The following NAXE variants were observed in gnomAD, a reference collection of about 807,000 sequenced individuals.
NAXE encodes the protein NAD(P)HX epimerase, also known as NAD(P)H-hydrate epimerase.
A neutral mutation model predicts 31.2 loss-of-function variants in NAXE; 25 were observed. The observed-to-expected ratio is 0.80, with a 90% CI of 0.58 to 1.12. NAXE has a LOEUF of 1.12. Ranked by LOEUF, NAXE falls within the 50% of genes most tolerant of loss-of-function variation. NAXE has a pLI of 0.00. For synonymous variants in NAXE, 144 were observed against 154.5 expected, an observed-to-expected ratio of 0.93 and a Z score of 0.50; for missense variants, 362 against 376.1, an observed-to-expected ratio of 0.96 and a Z score of 0.31.
chr1:156,593,388 C>CT lies in NAXE; in HGVS notation c.517-16dup. The CT allele has an allele frequency of 6.2e-7, 1 of 1,607,198 alleles. No individual in the cohort carries two copies. The highest frequency in any genetic ancestry group is 2.2e-5 in the East Asian group (1 of 44,806). On this transcript the variant is annotated intron_variant, in intron 4 of 5. Transcript: ENST00000368235. ...TTGTGCAGCTGCTGGCTCTGACATC[C>CT]TTTTCCTGCTCCACCACAGCCCATG...
At chr1:156,592,757 T>C in intron 4 of NAXE, 87 bp downstream of exon 4, 3 of 1,250,082 alleles carry the variant, frequency 2.4e-6, no homozygotes, top group Admixed American at 1.9e-5. Context: ...CTGAGCTCAT[T>C]TTAGTGCCTG....
intron 4 of NAXE, 24 bp downstream of exon 4, chr1:156,592,694 TC>T (rs759671567): frequency 1.3e-6 from 2 of 1,574,910 alleles, no homozygotes; most frequent in African/African-American, 2.7e-5. Context: ...GTTGAATACC[TC>T]CATCCTACAG....
At position 156,591,782 on chromosome 1, in the gene NAXE, G is replaced by GGCCGGGCCGT. The variant is rs781732021; in HGVS notation, c.-22_-21insCCGGGCCGTG. On this transcript the variant is annotated 5_prime_UTR_variant, in exon 1 of 6. Transcript: ENST00000368235. ...CATGCGCCGGGGCCGGGCCGGGCCG[G>GGCCGGGCCGT]GGGCGCGCGCTCTGCGAGCTGGATG... The GGCCGGGCCGT allele has an allele frequency of 3.0e-4, 450 of 1,499,036 alleles. 1 individual carries two copies. The African/African-American group carries it at 5.8e-3, about 19-fold the overall frequency. The allele number at this position is 1,499,036 out of a possible 1,614,324, so 92.9% of individuals were successfully genotyped here. A position where few individuals can be genotyped will look rare whatever the true frequency, so the allele number is the denominator to read the frequency against.
chr1:156,593,873 T>G lies in NAXE; in HGVS notation c.665-9T>G, dbSNP rs1271192941. The G allele has an allele frequency of 1.2e-6, 2 of 1,613,600 alleles. No individual in the cohort carries two copies. Among genetic ancestry groups the G allele is most frequent in the Non-Finnish European group, 1.7e-6 (2 of 1,179,692 alleles). ...TCTGGCCTCTTCCTGAACACCACCCTCTTTTCAGGATGGGACGTGGAGAAG... is the reference window on the plus strand; with the variant it reads ...TCTGGCCTCTTCCTGAACACCACCCGCTTTTCAGGATGGGACGTGGAGAAG... On this transcript the variant is annotated splice_polypyrimidine_tract_variant and intron_variant, in intron 5 of 5. Coordinates refer to ENST00000368235, the MANE Select transcript of NAXE (RefSeq NM_144772.3).
chr1:156,592,303 T>G, intron 2 of NAXE, 62 bp from the exon 3 acceptor site: 1 of 1,602,978 alleles, frequency 6.2e-7, no homozygotes. Context: ...GAGAGACAGC[T>G]GGGCCAATAT....
In NAXE at chr1:156,594,057, C is replaced by T. The variant is rs139201607; in HGVS notation, c.840C>T (p.Asp280=). ...AGCTGAACCTGCCACCCTACCCTGA[C>T]ACCGAGTGTGTCTATCGTCTGCAGT... ...KYQLNLPPYP[D]TECVYRLQ The change falls in exon 6 of 6, where the codon GAC becomes GAT. Residue 280 remains aspartate, a synonymous_variant. Transcript: ENST00000368235. 13 of 1,614,048 alleles carry T rather than the reference C, an allele frequency of 8.1e-6. No individual in the cohort carries two copies. Among genetic ancestry groups the T allele is most frequent in the South Asian group, 1.1e-5 (1 of 91,092 alleles).
At position 156,591,906 on chromosome 1, in the gene NAXE, C is replaced by G. The variant is rs760788560; in HGVS notation, c.102C>G (p.Thr34=). The change falls in exon 1 of 6, where the codon ACC becomes ACG. Residue 34 remains threonine (T), a synonymous_variant. Coordinates refer to ENST00000368235, the MANE Select transcript of NAXE (RefSeq NM_144772.3). ...CCATCGCCTGTCGCTCGGGACCCAC[C>G]TGGTGGGGACCGCAGCGGCTGAACT... ...SQTIACRSGP[T]WWGPQRLNSG... The G allele has an allele frequency of 6.2e-7, 1 of 1,612,668 alleles. No individual in the cohort carries two copies. The highest frequency in any genetic ancestry group is 1.1e-5 in the South Asian group (1 of 91,072).
At position 156,591,968 on chromosome 1, in the gene NAXE, C is replaced by T. The variant is rs1553232337; in HGVS notation, c.164C>T (p.Thr55Met). 124 of 1,613,088 alleles carry T rather than the reference C, an allele frequency of 7.7e-5. No individual in the cohort carries two copies. The highest frequency in any genetic ancestry group is 6.3e-4 in the South Asian group (57 of 91,066). Residue 55 changes from threonine (T) to methionine (M), a missense_variant, in exon 1 of 6, where the codon ACG becomes ATG. Coordinates refer to ENST00000368235, the MANE Select transcript of NAXE (RefSeq NM_144772.3). ...GRWDSEVMAS[T>M]VVKYLSQEEA... ...TGGGACTCAGAGGTCATGGCGAGCA[C>T]GGTGGTGAAGTACCTGAGGTAGGCA... is the stretch of plus-strand genomic sequence containing the variant.
intron 5 of NAXE, 117 bp from the exon 6 acceptor site, chr1:156,593,765 C>T (rs537866250): frequency 2.6e-5 from 35 of 1,354,240 alleles, no homozygotes; most frequent in African/African-American, 1.3e-4. Context: ...GCTCGTTGGA[C>T]GAGAGTTCCT....
chr1:156,593,046 T>A (rs113451829), intron 4 of NAXE: 3 of 385,518 alleles, frequency 7.8e-6, no homozygotes, highest in African/African-American at 2.1e-5. Flanking sequence ...TTTTTTTCCT[T>A]AACCCATTTT....
chr1:156,593,629 AAAT>A (rs1454928269), intron 5 of NAXE, 74 bp downstream of exon 5: 1 of 1,590,192 alleles, frequency 6.3e-7, no homozygotes, highest in East Asian at 2.2e-5. Context: ...ACCAGGTCTA[AAAT>A]AATTTTAGTC....
rs572602299 is a variant in NAXE, at chr1:156,593,857, T to C, written c.665-25T>C. On this transcript the variant is annotated intron_variant, in intron 5 of 5. Transcript: ENST00000368235. ...AGAAGGGGACGAGACATCTGGCCTC[T>C]TCCTGAACACCACCCTCTTTTCAGG... 5.4e-5 allele frequency: 87 copies of C among 1,611,406 alleles called. No individual in the cohort carries two copies. In the South Asian group the frequency reaches 8.9e-4, roughly 17 times the overall value.
chr1:156,594,050 A>T lies in NAXE; in HGVS notation c.833A>T (p.Tyr278Phe), dbSNP rs761726683. 1.2e-6 allele frequency: 2 copies of T among 1,613,782 alleles called. No individual in the cohort carries two copies. The highest frequency in any genetic ancestry group is 1.7e-6 in the Non-Finnish European group (2 of 1,179,966). The change falls in exon 6 of 6, where the codon TAC (tyrosine) becomes TTC (phenylalanine). Residue 278 changes from tyrosine to phenylalanine, a missense_variant. By Grantham distance (22) the Tyr-to-Phe change is conservative. Transcript: ENST00000368235. ...AAGTACCAGCTGAACCTGCCACCCT[A>T]CCCTGACACCGAGTGTGTCTATCGT... is the stretch of plus-strand genomic sequence containing the variant. ...EKKYQLNLPP[Y>F]PDTECVYRLQ is the part of the protein sequence containing the mutation.
Position 156,591,948 on chromosome 1 carries a change from C to G in NAXE, c.144C>G (p.Asp48Glu), listed in dbSNP as rs1000964665. 1.2e-6 allele frequency: 2 copies of G among 1,613,124 alleles called. No individual in the cohort carries two copies. Among genetic ancestry groups the G allele is most frequent in the Admixed American group, 1.7e-5 (1 of 60,010 alleles). The change falls in exon 1 of 6, where the codon GAC (aspartate) becomes GAG (glutamate). Residue 48 changes from aspartate (D) to glutamate (E), a missense_variant. Physicochemically the swap from Asp to Glu is conservative, Grantham distance 45. Transcript: ENST00000368235. ...PQRLNSGGRW[D>E]SEVMASTVVK... ...GGCTGAACTCGGGTGGCCGCTGGGACTCAGAGGTCATGGCGAGCACGGTGG... is the reference window on the plus strand; with the variant it reads ...GGCTGAACTCGGGTGGCCGCTGGGAGTCAGAGGTCATGGCGAGCACGGTGG...
rs973149946 is a variant in NAXE at position 156,593,501 on chromosome 1, C to G, written c.610C>G (p.Leu204Val). The G allele has an allele frequency of 1.2e-6, 2 of 1,614,098 alleles. No individual in the cohort carries two copies. The highest frequency in any genetic ancestry group is 2.7e-5 in the African/African-American group (2 of 74,940). Residue 204 changes from leucine to valine, a missense_variant, in exon 5 of 6, where the codon CTG (leucine) becomes GTG (valine). Leu to Val is a conservative substitution (Grantham distance 32). Transcript: ENST00000368235. ...GDVREPFHSI[L>V]SVLKGLTVPI... Reference sequence around the variant, plus strand: ...TGTTCGGGAACCGTTCCACAGCATCCTGAGTGTCCTGAAGGGACTCACTGT... The same window carrying G: ...TGTTCGGGAACCGTTCCACAGCATCGTGAGTGTCCTGAAGGGACTCACTGT...
intron 5 of NAXE, 67 bp from the exon 6 acceptor site, chr1:156,593,815 A>G (rs1677413330): frequency 1.3e-6 from 2 of 1,539,390 alleles, no homozygotes; most frequent in East Asian, 4.5e-5. Flanking sequence ...CTCTGGGACT[A>G]GGGTAAACTA....
At position 156,591,800 on chromosome 1, in the gene NAXE, G is replaced by C. The variant is rs766688360; in HGVS notation, c.-5G>C. 2 of 1,572,588 alleles carry C rather than the reference G, an allele frequency of 1.3e-6. No individual in the cohort carries two copies. The highest frequency in any genetic ancestry group is 1.7e-6 in the Non-Finnish European group (2 of 1,166,576). On this transcript the variant is annotated 5_prime_UTR_variant, in exon 1 of 6. Coordinates refer to ENST00000368235, the MANE Select transcript of NAXE (RefSeq NM_144772.3). ...CGGGCCGGGGGCGCGCGCTCTGCGA[G>C]CTGGATGTCCAGGCTGCGGGCGCTG...
Position 156,592,218 on chromosome 1 carries a change from C to G in NAXE, c.291+9C>G. Reference sequence around the variant, plus strand: ...CTACAGCCATCGCCAAGGTCAGTGGCACAACTCTCGACCTTTGGGAGCAGC... The same window carrying G: ...CTACAGCCATCGCCAAGGTCAGTGGGACAACTCTCGACCTTTGGGAGCAGC... On this transcript the variant is annotated intron_variant, in intron 2 of 5. Coordinates refer to ENST00000368235, the MANE Select transcript of NAXE (RefSeq NM_144772.3). The G allele has an allele frequency of 6.2e-7, 1 of 1,613,636 alleles. No individual in the cohort carries two copies. Among genetic ancestry groups the G allele is most frequent in the Non-Finnish European group, 8.5e-7 (1 of 1,179,846 alleles).
chr1:156,593,232 A>T, intron 4 of NAXE, 176 bp from the exon 5 acceptor site: 1 of 750,954 alleles, frequency 1.3e-6, no homozygotes, highest in South Asian at 2.5e-5. Context: ...GTCTGGTCTC[A>T]ATTTGGCCTG....
Sources: allele counts gnomAD v4.1 joint callset, GRCh38; gene constraint gnomAD v4.1.1; transcripts MANE v1.5; gene names NCBI Gene and HGNC (gene_info 2026-07-23, HGNC 2026-07-21).